The following CACHD1 variants were observed in gnomAD, a reference collection of about 807,000 sequenced individuals.
CACHD1 encodes VWFA and cache domain-containing protein 1.
CACHD1 carries 71 observed loss-of-function variants against 138.7 expected under a neutral mutation model. The observed-to-expected ratio is 0.51, with a 90% confidence interval of 0.42 to 0.62. The LOEUF (loss-of-function observed/expected upper bound fraction) is 0.62. Among genes scored for constraint, CACHD1 ranks in the 20% least tolerant of loss-of-function variants. CACHD1 has a pLI of 0.00. For missense variants in CACHD1, 1,389 were observed against 1,625.3 expected (o/e 0.85, Z 2.50); for synonymous variants, 578 against 591.5 (o/e 0.98, Z 0.33).
chr1:64,642,289 T>C (rs1355209433), intron 8 of CACHD1, among the ~76,000 whole-genome samples: 1 of 152,220 alleles, frequency 6.6e-6, no homozygotes, highest in Non-Finnish European at 1.5e-5. Flanking sequence ...TCTAAGGTTT[T>C]AGCTTATCTC....
chr1:64,648,074 G>T, intron 9 of CACHD1, 40 bp downstream of exon 9: 1 of 1,474,172 alleles, frequency 6.8e-7, no homozygotes, highest in South Asian at 1.2e-5. Flanking sequence ...AAGGGGAAAA[G>T]AACTGGGCAG....
intron 3 of CACHD1, among the ~76,000 whole-genome samples, chr1:64,592,196 T>C (rs1202006587): frequency 1.3e-5 from 2 of 152,272 alleles, no homozygotes; most frequent in African/African-American, 2.4e-5. Flanking sequence ...TTATCAGTTA[T>C]GCTTAACAGT....
intron 4 of CACHD1, among the ~76,000 whole-genome samples, chr1:64,606,892 GAGA>G (rs1470730095): frequency 2.0e-5 from 3 of 152,172 alleles, no homozygotes; most frequent in Non-Finnish European, 2.9e-5. Context: ...GCCTTACAAG[GAGA>G]AGGACAGAGT....
intron 3 of CACHD1, among the ~76,000 whole-genome samples, chr1:64,583,548 A>G (rs1050174721): frequency 1.3e-5 from 2 of 152,250 alleles, no homozygotes; most frequent in African/African-American, 4.8e-5. Context: ...AACAAGTATT[A>G]GCTGTAATAT....
chr1:64,627,284 A>C (rs559422758), intron 4 of CACHD1, among the ~76,000 whole-genome samples: 3 of 152,102 alleles, frequency 2.0e-5, no homozygotes, highest in African/African-American at 7.2e-5. Context: ...GTGCCCACCT[A>C]TAGTCTTAGC....
rs111533656 is a variant in CACHD1, at chr1:64,663,622, C to T, written c.1952-73C>T. 4.3e-3 allele frequency: 6,758 copies of T among 1,579,198 alleles called. 256 individuals are homozygous for T. In the African/African-American group the frequency reaches 0.078, roughly 18 times the overall value. ...CCATAGCTGACAGATTGGCAGAGCC[C>T]GAGTGATGCCTTTGTTTGGGATGAG... On this transcript the variant is annotated intron_variant, in intron 13 of 26. Transcript: ENST00000651257.
At chr1:64,515,420 G>A (rs1406260133) in intron 1 of CACHD1, among the ~76,000 whole-genome samples, 2 of 152,208 alleles carry the variant, frequency 1.3e-5, no homozygotes, top group African/African-American at 4.8e-5. Context: ...GATGTTTCCA[G>A]TATGATTGGT....
At chr1:64,550,705 G>C (rs747862465) in intron 2 of CACHD1, 49 bp downstream of exon 2, 2 of 1,307,528 alleles carry the variant, frequency 1.5e-6, no homozygotes, top group South Asian at 2.4e-5. Flanking sequence ...CTTGCTTTTA[G>C]ATGTGGCTTC....
chr1:64,601,000 G>A (rs532948969), intron 3 of CACHD1, among the ~76,000 whole-genome samples: 3 of 152,210 alleles, frequency 2.0e-5, no homozygotes, highest in Non-Finnish European at 4.4e-5. Flanking sequence ...TGTCTAACAT[G>A]TTGGACAGTG....
At chr1:64,634,339 A>G in intron 7 of CACHD1, 79 bp downstream of exon 7, 1 of 859,784 alleles carries the variant, frequency 1.2e-6, no homozygotes, top group Non-Finnish European at 1.9e-6. Flanking sequence ...TTGATCACAC[A>G]ATGATGTTTA....
intron 3 of CACHD1, among the ~76,000 whole-genome samples, chr1:64,585,533 T>C (rs1647044984): frequency 6.6e-6 from 1 of 152,232 alleles, no homozygotes; most frequent in Non-Finnish European, 1.5e-5. Context: ...ACCTCTGCAC[T>C]GAATGCTGAA....
intron 5 of CACHD1, among the ~76,000 whole-genome samples, chr1:64,631,368 T>C (rs1445866390): frequency 6.6e-6 from 1 of 152,246 alleles, no homozygotes; most frequent in East Asian, 1.9e-4. Context: ...GGATTCTTTT[T>C]ATTGCATTTC....
chr1:64,531,690 A>G (rs141458292), intron 1 of CACHD1, among the ~76,000 whole-genome samples: 216 of 152,018 alleles, frequency 1.4e-3, no homozygotes, highest in African/African-American at 5.1e-3. Context: ...CAGCTTATTA[A>G]CTTGCACATT....
chr1:64,490,426 C>G (rs1646268818), intron 1 of CACHD1, among the ~76,000 whole-genome samples: 1 of 152,132 alleles, frequency 6.6e-6, no homozygotes, highest in South Asian at 2.1e-4. Flanking sequence ...ACCTTCGAAC[C>G]CTTGCCATTT....
intron 1 of CACHD1, among the ~76,000 whole-genome samples, chr1:64,492,041 G>GT (rs59066206): frequency 0.084 from 12,617 of 151,092 alleles, 595 homozygotes; most frequent in East Asian, 0.16. Flanking sequence ...CCTTTCACTA[G>GT]TTTTTTTTCT....
intron 13 of CACHD1, among the ~76,000 whole-genome samples, chr1:64,660,044 G>A (rs1021306773): frequency 1.3e-5 from 2 of 152,216 alleles, no homozygotes; most frequent in African/African-American, 4.8e-5. Context: ...ATCCAAGAAG[G>A]CAGGATTTTA....
rs190434337 is a variant in CACHD1, at chr1:64,619,166, G to A, written c.518-10189G>A. 1.2e-3 allele frequency among the ~76,000 whole-genome samples: 187 copies of A among 152,272 alleles called. 1 individual carries two copies. The highest frequency in any genetic ancestry group is 2.7e-3 in the Admixed American group (41 of 15,290). On this transcript the variant is annotated intron_variant, in intron 4 of 26. Transcript: ENST00000651257. ...CCAGTTAGATGTAGATGGTGAAATT[G>A]GAAGGACAACGTCTGGGGGTCAGAG...
intron 2 of CACHD1, among the ~76,000 whole-genome samples, chr1:64,557,550 C>G (rs903419561): frequency 2.6e-5 from 4 of 152,098 alleles, no homozygotes; most frequent in African/African-American, 4.8e-5. Flanking sequence ...AAGGGCATTC[C>G]TCTAGCAGCT....
intron 16 of CACHD1, among the ~76,000 whole-genome samples, chr1:64,667,617 C>T (rs998357618): frequency 6.6e-6 from 1 of 152,234 alleles, no homozygotes; most frequent in African/African-American, 2.4e-5. Context: ...AGTGACTTGT[C>T]ATGCCTCCCA....
Sources: allele counts gnomAD v4.1 joint callset (sites outside exome capture counted in the v4.1 genomes callset), GRCh38; gene constraint gnomAD v4.1.1; transcripts MANE v1.5; gene names NCBI Gene and HGNC (gene_info 2026-07-23, HGNC 2026-07-21).